RASAL2: variants seen among roughly 807,000 people sequenced by gnomAD.
RASAL2 encodes RAS protein activator like 2.
In RASAL2, 58 loss-of-function variants were observed where a neutral mutation model predicts 128.9. That is an observed-to-expected ratio of 0.45 (90% CI 0.36 to 0.56). The LOEUF (loss-of-function observed/expected upper bound fraction) is 0.56. Ranked by LOEUF, RASAL2 falls within the 20% of genes least tolerant of loss-of-function variation. The pLI, the probability that RASAL2 is intolerant of heterozygous loss-of-function variation, is 0.00. For missense variants in RASAL2, 1,360 were observed against 1,601.6 expected (o/e 0.85, Z 2.57); for synonymous variants, 561 against 580.8 (o/e 0.97, Z 0.49).
At chr1:178,346,892 AT>A (rs1670185345) in intron 3 of RASAL2, among the ~76,000 whole-genome samples, 1 of 152,216 alleles carries the variant, frequency 6.6e-6, no homozygotes, top group Non-Finnish European at 1.5e-5. Context: ...GGCAGAGGAA[AT>A]TTATTGTAAT....
At chr1:178,208,485 C>T (rs977172913) in intron 1 of RASAL2, among the ~76,000 whole-genome samples, 1 of 152,048 alleles carries the variant, frequency 6.6e-6, no homozygotes, top group African/African-American at 2.4e-5. Flanking sequence ...AAAAAAACTC[C>T]GCGCTAGTAA....
intron 1 of RASAL2, among the ~76,000 whole-genome samples, chr1:178,240,360 A>G (rs1349136911): frequency 6.6e-6 from 1 of 152,056 alleles, no homozygotes. Context: ...GGAACTTAAT[A>G]CTTTCCTGTA....
intron 5 of RASAL2, among the ~76,000 whole-genome samples, chr1:178,427,133 A>G (rs1397603152): frequency 1.3e-5 from 2 of 152,278 alleles, no homozygotes; most frequent in African/African-American, 2.4e-5. Context: ...GCGATTTCCT[A>G]GAATCAATAT....
rs1308702564 is a variant in RASAL2 at position 178,397,618 on chromosome 1, T to TC, written c.564+7412_564+7413insC. 2.0e-5 allele frequency among the ~76,000 whole-genome samples: 3 copies of TC among 148,252 alleles called. No homozygotes were observed. The Admixed American group carries it at 2.0e-4, about 10-fold the overall frequency. On this transcript the variant is annotated intron_variant, in intron 4 of 17. Coordinates refer to ENST00000367649, the MANE Select transcript of RASAL2 (RefSeq NM_170692.4). The stretch of plus-strand genomic sequence containing the variant: ...TTGCATCTTTTATTTTTTACTTACT[T>TC]TTTTTTTTTTAGATAGGGTCTCGCT...
In RASAL2 at chr1:178,475,058, T is replaced by G. The variant is rs1648576452; in HGVS notation, c.*1819T>G. 1 of 152,264 alleles carries G rather than the reference T, an allele frequency of 6.6e-6. No homozygotes were observed. Among genetic ancestry groups the G allele is most frequent in the Non-Finnish European group, 1.5e-5 (1 of 68,084 alleles). The allele number at this position is 152,264 out of a possible 1,614,324, so 9.4% of individuals were successfully genotyped here. ...CCTCCTTTTCACCAAGTCCCAGGCT[T>G]GCATTCCAGCCTCTTGAGCTCTGCC... On this transcript the variant is annotated 3_prime_UTR_variant, in exon 18 of 18. Transcript: ENST00000367649.
chr1:178,256,759 C>T (rs1043112667), intron 1 of RASAL2, among the ~76,000 whole-genome samples: 2 of 152,052 alleles, frequency 1.3e-5, no homozygotes, highest in Non-Finnish European at 2.9e-5. Context: ...TTGCAACCTC[C>T]GCCTCCTGGG....
intron 5 of RASAL2, among the ~76,000 whole-genome samples, chr1:178,424,290 T>C (rs1490940845): frequency 1.3e-5 from 2 of 151,770 alleles, no homozygotes; most frequent in Non-Finnish European, 2.9e-5. Context: ...TCGCCCAGGC[T>C]GGAGTGTAGT....
intron 1 of RASAL2, among the ~76,000 whole-genome samples, chr1:178,247,389 T>C (rs1664815644): frequency 1.3e-5 from 2 of 151,790 alleles, no homozygotes; most frequent in Admixed American, 1.3e-4. Flanking sequence ...GGTAGTTTGA[T>C]GGTAGTTTAT....
Position 178,155,061 on chromosome 1 carries a change from G to A in RASAL2, c.202+60367G>A, listed in dbSNP as rs150952286. Reference sequence around the variant, plus strand: ...TGGTCTTGAACTCCTGACCTCAGACGATCCACCCGCCTTGGCCTCCCAAAG... The same window carrying A: ...TGGTCTTGAACTCCTGACCTCAGACAATCCACCCGCCTTGGCCTCCCAAAG... On this transcript the variant is annotated intron_variant, in intron 1 of 17. Coordinates refer to ENST00000367649, the MANE Select transcript of RASAL2 (RefSeq NM_170692.4). Among the ~76,000 whole-genome samples, 531 of 152,086 alleles carry A rather than the reference G, an allele frequency of 3.5e-3. 17 individuals carry two copies. The East Asian group carries it at 0.084, about 24-fold the overall frequency.
chr1:178,314,824 A>G (rs1668426293), intron 3 of RASAL2, among the ~76,000 whole-genome samples: 1 of 151,792 alleles, frequency 6.6e-6, no homozygotes. Flanking sequence ...GTTTTAGGGT[A>G]CATGTGCACA....
At chr1:178,467,871 A>G (rs1224101591) in intron 17 of RASAL2, among the ~76,000 whole-genome samples, 1 of 152,184 alleles carries the variant, frequency 6.6e-6, no homozygotes, top group Non-Finnish European at 1.5e-5. Context: ...GGGAAAGACA[A>G]GGTTGTAAAA....
chr1:178,140,758 T>A (rs1660495457), intron 1 of RASAL2, among the ~76,000 whole-genome samples: 1 of 152,258 alleles, frequency 6.6e-6, no homozygotes, highest in Admixed American at 6.5e-5. Context: ...TAATTTTAAA[T>A]TTGTGAACTC....
intron 3 of RASAL2, among the ~76,000 whole-genome samples, chr1:178,386,241 G>A (rs1488018423): frequency 2.0e-5 from 3 of 152,202 alleles, no homozygotes; most frequent in Admixed American, 1.3e-4. Context: ...TGTATGTTGA[G>A]GAAATGATAG....
intron 1 of RASAL2, among the ~76,000 whole-genome samples, chr1:178,245,577 A>G (rs1292504375): frequency 6.6e-6 from 1 of 152,122 alleles, no homozygotes; most frequent in East Asian, 1.9e-4. Flanking sequence ...CTTTAGTTTA[A>G]TTAGATCCCA....
chr1:178,295,716 A>G (rs1667468020), intron 2 of RASAL2, among the ~76,000 whole-genome samples: 1 of 152,138 alleles, frequency 6.6e-6, no homozygotes, highest in Non-Finnish European at 1.5e-5. Context: ...GTGGTTTTCT[A>G]ATAAGTTCCT....
chr1:178,421,385 T>C (rs764190778), intron 5 of RASAL2, among the ~76,000 whole-genome samples: 3 of 152,168 alleles, frequency 2.0e-5, no homozygotes, highest in Non-Finnish European at 4.4e-5. Flanking sequence ...TTCAAAATTT[T>C]GGAAACAGTG....
chr1:178,269,524 A>G (rs1666144222), intron 1 of RASAL2, among the ~76,000 whole-genome samples: 1 of 152,212 alleles, frequency 6.6e-6, no homozygotes, highest in Non-Finnish European at 1.5e-5. Context: ...AGCACAAAAT[A>G]CAGGTCATGA....
chr1:178,277,724 T>G (rs1195043262), intron 1 of RASAL2, among the ~76,000 whole-genome samples: 2 of 152,218 alleles, frequency 1.3e-5, no homozygotes, highest in African/African-American at 4.8e-5. Flanking sequence ...TGTTTCTCTT[T>G]TAGTGTATTA....
At chr1:178,188,264 C>T (rs1203796015) in intron 1 of RASAL2, among the ~76,000 whole-genome samples, 1 of 152,168 alleles carries the variant, frequency 6.6e-6, no homozygotes, top group Non-Finnish European at 1.5e-5. Flanking sequence ...CTCAGTCTCC[C>T]TAAACTCCCA....
Sources: allele counts gnomAD v4.1 joint callset (sites outside exome capture counted in the v4.1 genomes callset), GRCh38; gene constraint gnomAD v4.1.1; transcripts MANE v1.5; gene names NCBI Gene and HGNC (gene_info 2026-07-23, HGNC 2026-07-21).